MFSD2B: variants seen among roughly 807,000 people sequenced by gnomAD.
The protein encoded by MFSD2B is MFSD2 lysolipid transporter B, sphingolipid.
A neutral mutation model predicts 58.4 loss-of-function variants in MFSD2B; 56 were observed. The observed-to-expected ratio is 0.96, with a 90% confidence interval of 0.77 to 1.20. The LOEUF (loss-of-function observed/expected upper bound fraction) is 1.20. MFSD2B is among the 50% of genes most tolerant of loss of function. MFSD2B has a pLI of 0.00. For missense variants in MFSD2B, 645 were observed against 667.6 expected (o/e 0.97, Z 0.37); for synonymous variants, 287 against 294.4 (o/e 0.97, Z 0.26).
rs1709173623 is a variant in MFSD2B at position 24,017,016 on chromosome 2, T to TG, written c.471+50dup. On this transcript the variant is annotated intron_variant, in intron 4 of 13. Transcript: ENST00000338315. The surrounding 1 kb of genome is among the most constrained non-coding windows in gnomAD (Gnocchi z 4.8). ...CCTGTGCTCTGGCGAAGCCCATTGC[T>TG]GGCCATGGCCACTCTGAAGTGTGCT... 9.3e-6 allele frequency: 15 copies of TG among 1,608,076 alleles called. No homozygotes were observed. The highest frequency in any genetic ancestry group is 1.3e-5 in the African/African-American group (1 of 74,936).
Position 24,024,519 on chromosome 2 carries a change from C to T in MFSD2B, c.1490+248C>T, listed in dbSNP as rs997069699. 6.6e-6 allele frequency among the ~76,000 whole-genome samples: 1 copy of T among 152,114 alleles called. No individual in the cohort carries two copies. The highest frequency in any genetic ancestry group is 1.5e-5 in the Non-Finnish European group (1 of 68,016). ...GGGCTCACTCCTTGATCTCCTATTG[C>T]TTTTGCTCTCCAAAGCCCCCTTGGT... On this transcript the variant is annotated intron_variant, in intron 13 of 13. Transcript: ENST00000338315. This position sits in a 1 kb window ranked among gnomAD's most constrained non-coding sequence, Gnocchi z 4.3.
chr2:24,017,507 G>T lies in MFSD2B; in HGVS notation c.600G>T (p.Gly200=), dbSNP rs1709200718. ...AGTLMGATVH[G]LIVSGAHRPH... is the part of the protein sequence containing the mutation. The stretch of plus-strand genomic sequence containing the variant: ...CACTGATGGGGGCCACTGTCCACGG[G>T]CTCATCGTGTCCGGCGCCCACAGAC... Residue 200 remains glycine (G), a synonymous_variant, in exon 6 of 14, where the codon GGG becomes GGT. Coordinates refer to ENST00000338315, the MANE Select transcript of MFSD2B (RefSeq NM_001346880.2). The surrounding 1 kb of genome is among the most constrained non-coding windows in gnomAD (Gnocchi z 4.8). The T allele has an allele frequency of 1.9e-6, 3 of 1,593,202 alleles. No individual in the cohort carries two copies. Among genetic ancestry groups the T allele is most frequent in the Middle Eastern group, 3.3e-4 (2 of 6,022 alleles).
rs149927649 is a variant in MFSD2B at position 24,020,140 on chromosome 2, C to T, written c.682-1508C>T. On this transcript the variant is annotated intron_variant, in intron 6 of 13. Transcript: ENST00000338315. This position sits in a 1 kb window ranked among gnomAD's most constrained non-coding sequence, Gnocchi z 4.1. The stretch of plus-strand genomic sequence containing the variant: ...GTCACTTGGGGCCCTGAGCTGGGGA[C>T]ATGTGTGGTCCTTGATGTGACACAA... 1.8e-3 allele frequency among the ~76,000 whole-genome samples: 268 copies of T among 152,186 alleles called. No individual in the cohort carries two copies. Among genetic ancestry groups the T allele is most frequent in the Non-Finnish European group, 3.2e-3 (215 of 67,984 alleles).
At chr2:24,018,393 T>C in intron 6 of MFSD2B, 1 of 177,388 alleles carries the variant, frequency 5.6e-6, no homozygotes. Context: ...TCAGGTGCCC[T>C]TTGAAAGGAG....
chr2:24,012,184 A>AAG lies in MFSD2B; in HGVS notation c.97-1101_97-1100insAG, dbSNP rs1558318900. On this transcript the variant is annotated intron_variant, in intron 1 of 13. Transcript: ENST00000338315. This position sits in a 1 kb window ranked among gnomAD's most constrained non-coding sequence, Gnocchi z 4.5. Reference sequence around the variant, plus strand: ...CACACACACACACACACACACAAAAACAGACAAAAAAACCCTGCAATAGCA... The same window carrying AAG: ...CACACACACACACACACACACAAAAAAGCAGACAAAAAAACCCTGCAATAGCA... 1.9e-4 allele frequency among the ~76,000 whole-genome samples: 24 copies of AAG among 129,486 alleles called. No homozygotes were observed. Among genetic ancestry groups the AAG allele is most frequent in the African/African-American group, 6.7e-4 (24 of 35,818 alleles). 84.9% of individuals were successfully genotyped at this position (129,486 alleles called of 152,430 possible).
In MFSD2B at chr2:24,023,572, C is replaced by T; in HGVS notation, c.1170-11C>T. The T allele has an allele frequency of 1.2e-6, 2 of 1,611,960 alleles. No individual in the cohort carries two copies. Among genetic ancestry groups the T allele is most frequent in the Non-Finnish European group, 1.7e-6 (2 of 1,178,964 alleles). On this transcript the variant is annotated splice_polypyrimidine_tract_variant and intron_variant, in intron 11 of 13. Transcript: ENST00000338315. The surrounding 1 kb of genome is among the most constrained non-coding windows in gnomAD (Gnocchi z 5.0). ...GGGGCTAGGAGGGCTAACTCCACAC[C>T]CCCGCCGCAGGTCCATGCTGCCAGA...
Position 24,024,028 on chromosome 2 carries a change from G to C in MFSD2B, c.1314-67G>C. 1 of 1,511,280 alleles carries C rather than the reference G, an allele frequency of 6.6e-7. No homozygotes were observed. The highest frequency in any genetic ancestry group is 9.1e-7 in the Non-Finnish European group (1 of 1,100,366). The allele number at this position is 1,511,280 out of a possible 1,614,324, so 93.6% of individuals were successfully genotyped here. On this transcript the variant is annotated intron_variant, in intron 12 of 13. Coordinates refer to ENST00000338315, the MANE Select transcript of MFSD2B (RefSeq NM_001346880.2). This position sits in a 1 kb window ranked among gnomAD's most constrained non-coding sequence, Gnocchi z 4.3. ...AGGGGGTGGGGTGGGGTGAGGTGTC[G>C]AGTCCCTCCACCCAGGGTGCCAGGC...
At position 24,016,158 on chromosome 2, in the gene MFSD2B, C is replaced by T; in HGVS notation, c.225C>T (p.Ile75=). The change falls in exon 3 of 14, where the codon ATC becomes ATT. Residue 75 remains isoleucine (I), a splice_region_variant and synonymous_variant. Transcript: ENST00000338315. ...LQLFLLDIAQ[I]PAAQVSLVLF... ...ATCCCCTCCCCTGTCTGTTTCAGAT[C>T]CCTGCCGCCCAGGTGTCACTTGTTC... 1 of 1,613,422 alleles carries T rather than the reference C, an allele frequency of 6.2e-7. No individual in the cohort carries two copies. The highest frequency in any genetic ancestry group is 8.5e-7 in the Non-Finnish European group (1 of 1,179,830).
In MFSD2B at chr2:24,021,532, G is replaced by T; in HGVS notation, c.682-116G>T. 1.1e-6 allele frequency: 1 copy of T among 905,000 alleles called. No homozygotes were observed. The highest frequency in any genetic ancestry group is 1.7e-6 in the Non-Finnish European group (1 of 573,456). The allele number at this position is 905,000 out of a possible 1,614,324, so 56.1% of individuals were successfully genotyped here. On this transcript the variant is annotated intron_variant, in intron 6 of 13. Transcript: ENST00000338315. This position sits in a 1 kb window ranked among gnomAD's most constrained non-coding sequence, Gnocchi z 5.7. ...GGGAGGTGGGGACCCAGCGTCCTGG[G>T]CTTGGGTTGTGCCTCCCTCCGCTCC...
chr2:24,016,153 C>G lies in MFSD2B; in HGVS notation c.223-3C>G. ...TCTCTATCCCCTCCCCTGTCTGTTT[C>G]AGATCCCTGCCGCCCAGGTGTCACT... On this transcript the variant is annotated splice_region_variant and splice_polypyrimidine_tract_variant and intron_variant, in intron 2 of 13. Transcript: ENST00000338315. 6.2e-7 allele frequency: 1 copy of G among 1,613,284 alleles called. No homozygotes were observed. The highest frequency in any genetic ancestry group is 8.5e-7 in the Non-Finnish European group (1 of 1,179,816).
chr2:24,012,970 C>G lies in MFSD2B; in HGVS notation c.97-315C>G, dbSNP rs113860696. On this transcript the variant is annotated intron_variant, in intron 1 of 13. Transcript: ENST00000338315. This position sits in a 1 kb window ranked among gnomAD's most constrained non-coding sequence, Gnocchi z 4.5. ...GAGGGGTAGGTGACAAAGGCAGGCT[C>G]AAGCCCAGGTCTCCTGACCTGCAGC... 3 of 251,410 alleles carry G rather than the reference C, an allele frequency of 1.2e-5. No homozygotes were observed. The highest frequency in any genetic ancestry group is 2.2e-5 in the African/African-American group (1 of 45,520). 15.6% of individuals were successfully genotyped at this position (251,410 alleles called of 1,614,324 possible). A position where few individuals can be genotyped will look rare whatever the true frequency, so the allele number is the denominator to read the frequency against.
chr2:24,012,706 T>A lies in MFSD2B; in HGVS notation c.97-579T>A, dbSNP rs1463075976. On this transcript the variant is annotated intron_variant, in intron 1 of 13. Coordinates refer to ENST00000338315, the MANE Select transcript of MFSD2B (RefSeq NM_001346880.2). This position sits in a 1 kb window ranked among gnomAD's most constrained non-coding sequence, Gnocchi z 4.5. Reference sequence around the variant, plus strand: ...GCCACTGAGGGGACCAGCGGTGCCATTTGCTAGGAGCTGGATTAGACAATG... The same window carrying A: ...GCCACTGAGGGGACCAGCGGTGCCAATTGCTAGGAGCTGGATTAGACAATG... Among the ~76,000 whole-genome samples the A allele has an allele frequency of 2.0e-5, 3 of 152,144 alleles. No individual in the cohort carries two copies. Among genetic ancestry groups the A allele is most frequent in the Non-Finnish European group, 4.4e-5 (3 of 68,024 alleles).
chr2:24,013,838 CTTTTT>C (rs758336674), intron 2 of MFSD2B, among the ~76,000 whole-genome samples: 1 of 110,620 alleles, frequency 9.0e-6, no homozygotes. Flanking sequence ...CAAGACGATT[CTTTTT>C]TTTTTTTTTT....
At chr2:24,016,093 C>A in intron 2 of MFSD2B, 63 bp from the exon 3 acceptor site, 1 of 1,603,004 alleles carries the variant, frequency 6.2e-7, no homozygotes. Context: ...GGCAAGCAGG[C>A]CTGGATGGGC....
chr2:24,017,511 A>T lies in MFSD2B; in HGVS notation c.604A>T (p.Ile202Phe). Residue 202 changes from isoleucine (I) to phenylalanine (F), a missense_variant, in exon 6 of 14, where the codon ATC (isoleucine) becomes TTC (phenylalanine). Ile to Phe is a conservative substitution (Grantham distance 21, BLOSUM62 0). Coordinates refer to ENST00000338315, the MANE Select transcript of MFSD2B (RefSeq NM_001346880.2). The surrounding 1 kb of genome is among the most constrained non-coding windows in gnomAD (Gnocchi z 4.8). ...TLMGATVHGL[I>F]VSGAHRPHRC... is the part of the protein sequence containing the mutation. The stretch of plus-strand genomic sequence containing the variant: ...GATGGGGGCCACTGTCCACGGGCTC[A>T]TCGTGTCCGGCGCCCACAGACCCCA... The T allele has an allele frequency of 1.9e-6, 3 of 1,590,904 alleles. No individual in the cohort carries two copies. The highest frequency in any genetic ancestry group is 2.6e-6 in the Non-Finnish European group (3 of 1,168,794).
In MFSD2B at chr2:24,022,328, G is replaced by A. The variant is rs1433785868; in HGVS notation, c.895-105G>A. ...AGGGACTGTATGATGGTAGCAGCAA[G>A]CCAAGGTCCCAATGGAGATGCCAGA... On this transcript the variant is annotated intron_variant, in intron 8 of 13. Transcript: ENST00000338315. The surrounding 1 kb of genome is among the most constrained non-coding windows in gnomAD (Gnocchi z 4.5). 5.5e-6 allele frequency: 5 copies of A among 904,624 alleles called. No individual in the cohort carries two copies. Among genetic ancestry groups the A allele is most frequent in the Non-Finnish European group, 8.9e-6 (5 of 562,950 alleles). The allele number at this position is 904,624 out of a possible 1,614,324, so 56.0% of individuals were successfully genotyped here.
At chr2:24,016,056 TC>T (rs1228229026) in intron 2 of MFSD2B, 99 bp from the exon 3 acceptor site, 19 of 1,454,956 alleles carry the variant, frequency 1.3e-5, no homozygotes, top group Admixed American at 5.0e-5. Flanking sequence ...TGCCCTCCGG[TC>T]CCGGTTCCCA....
chr2:24,016,337 T>C, intron 3 of MFSD2B, 57 bp downstream of exon 3: 3 of 1,412,052 alleles, frequency 2.1e-6, no homozygotes, highest in Non-Finnish European at 2.9e-6. Flanking sequence ...CTGAGGTCAC[T>C]GTTTGTCACA....
rs768709238 is a variant in MFSD2B at position 24,021,732 on chromosome 2, C to T, written c.766C>T (p.Arg256Trp). The change falls in exon 7 of 14, where the codon CGG becomes TGG. Residue 256 changes from arginine to tryptophan, a missense_variant. By Grantham distance (101) the Arg-to-Trp change is moderately radical (BLOSUM62 -3). Coordinates refer to ENST00000338315, the MANE Select transcript of MFSD2B (RefSeq NM_001346880.2). This position sits in a 1 kb window ranked among gnomAD's most constrained non-coding sequence, Gnocchi z 5.7. ...TTTACTGTGCCTAGGGGTGAAGGAG[C>T]GGCCAGGTATGGGGTTTGGTGAGGA... The part of the protein sequence containing the change: ...ISLLCLGVKE[R>W]PDPSAPASGP... The T allele has an allele frequency of 1.4e-4, 222 of 1,613,148 alleles. No homozygotes were observed. The highest frequency in any genetic ancestry group is 1.6e-4 in the Middle Eastern group (1 of 6,082).
Sources: allele counts gnomAD v4.1 joint callset (sites outside exome capture counted in the v4.1 genomes callset), GRCh38; gene constraint gnomAD v4.1.1; non-coding constraint Gnocchi (gnomAD v3.1); transcripts MANE v1.5; gene names NCBI Gene and HGNC (gene_info 2026-07-23, HGNC 2026-07-21).